Variants in CSMD3 observed in about 807,000 individuals in gnomAD.
CSMD3 encodes the protein CUB and Sushi multiple domains 3.
A neutral mutation model predicts 435.2 loss-of-function variants in CSMD3; 177 were observed. That is an observed-to-expected ratio of 0.41 (90% CI 0.36 to 0.46). The LOEUF is 0.46. Among genes scored for constraint, CSMD3 ranks in the 20% least tolerant of loss-of-function variants. CSMD3 has a pLI of 0.34. For missense variants in CSMD3, 4,265 were observed against 4,504.6 expected, an observed-to-expected ratio of 0.95 and a Z score of 1.52; for synonymous variants, 1,656 against 1,520.5, an observed-to-expected ratio of 1.09 and a Z score of -2.07.
intron 61 of CSMD3, among the ~76,000 whole-genome samples, chr8:112,261,276 ATATC>A (rs1816372925): frequency 6.6e-6 from 1 of 152,094 alleles, no homozygotes; most frequent in Non-Finnish European, 1.5e-5. Context: ...ATACTAACAT[ATATC>A]TGTTTCATTT....
At chr8:112,548,987 T>G (rs1171447962) in intron 27 of CSMD3, among the ~76,000 whole-genome samples, 1 of 152,048 alleles carries the variant, frequency 6.6e-6, no homozygotes, top group Admixed American at 6.6e-5. Flanking sequence ...TTATCTACAA[T>G]AAAAATTCCC....
intron 13 of CSMD3, among the ~76,000 whole-genome samples, chr8:112,710,393 C>A (rs1050838036): frequency 1.3e-5 from 2 of 152,074 alleles, no homozygotes; most frequent in African/African-American, 4.8e-5. Context: ...GCCTAAGATG[C>A]ACATCTTGTT....
At position 113,358,463 on chromosome 8, in the gene CSMD3, C is replaced by T. The variant is rs887349626; in HGVS notation, c.179-43670G>A. On this transcript the variant is annotated intron_variant, in intron 1 of 70. Coordinates refer to ENST00000297405, the MANE Select transcript of CSMD3 (RefSeq NM_198123.2). ...CACCTCCCAGGTTCAAGCTATTTTCCTGCCTCAGCCTCCCAAGTAGCTGGG... is the reference window on the plus strand; with the variant it reads ...CACCTCCCAGGTTCAAGCTATTTTCTTGCCTCAGCCTCCCAAGTAGCTGGG... Among the ~76,000 whole-genome samples, 7 of 152,284 alleles carry T rather than the reference C, an allele frequency of 4.6e-5. No homozygotes were observed. In the East Asian group the frequency reaches 1.2e-3, roughly 25 times the overall value.
At chr8:112,536,376 CT>C (rs1826082058) in intron 27 of CSMD3, among the ~76,000 whole-genome samples, 1 of 152,184 alleles carries the variant, frequency 6.6e-6, no homozygotes. Flanking sequence ...TGAGCAGATA[CT>C]TCTCAAAAGA....
At chr8:112,592,805 C>T (rs7819734) in intron 22 of CSMD3, among the ~76,000 whole-genome samples, 87,469 of 151,784 alleles carry the variant, frequency 0.58, 25,757 homozygotes, top group African/African-American at 0.69. Context: ...TGCCTGATAC[C>T]GTATTAGGTC....
At chr8:112,683,689 T>C (rs112534733) in intron 15 of CSMD3, among the ~76,000 whole-genome samples, 2,512 of 152,082 alleles carry the variant, frequency 0.017, 79 homozygotes, top group African/African-American at 0.057. Context: ...AAGGTCTACA[T>C]GTGTAAAATA....
At chr8:112,866,535 G>A (rs535044531) in intron 10 of CSMD3, among the ~76,000 whole-genome samples, 8 of 152,154 alleles carry the variant, frequency 5.3e-5, no homozygotes, top group South Asian at 4.2e-4. Context: ...TAATGAATCC[G>A]CTAGAAGAAT....
In CSMD3 at chr8:113,295,686, G is replaced by T. The variant is rs1474768502; in HGVS notation, c.402-16982C>A. 3.9e-5 allele frequency among the ~76,000 whole-genome samples: 6 copies of T among 152,284 alleles called. No individual in the cohort carries two copies. In the East Asian group the frequency reaches 7.7e-4, roughly 20 times the overall value. On this transcript the variant is annotated intron_variant, in intron 2 of 70. Transcript: ENST00000297405. ...GTGGGCGAATTGCCTAAGCTTAGGA[G>T]TTCAAGACCAGCCTGAGTTCTAGTG...
chr8:113,053,367 C>T (rs1186020271), intron 5 of CSMD3, among the ~76,000 whole-genome samples: 1 of 151,870 alleles, frequency 6.6e-6, no homozygotes, highest in Non-Finnish European at 1.5e-5. Flanking sequence ...TATTCTTAAA[C>T]TTTTTCTAAT....
At chr8:113,400,372 T>C (rs1374056744) in intron 1 of CSMD3, among the ~76,000 whole-genome samples, 1 of 151,948 alleles carries the variant, frequency 6.6e-6, no homozygotes, top group Non-Finnish European at 1.5e-5. Context: ...TGGCTAATAC[T>C]AGGGACGCAG....
In CSMD3 at chr8:112,341,655, T is replaced by G. The variant is rs1825126105; in HGVS notation, c.6474A>C (p.Thr2158=). 1.2e-6 allele frequency: 2 copies of G among 1,612,164 alleles called. No individual in the cohort carries two copies. Among genetic ancestry groups the G allele is most frequent in the Admixed American group, 1.7e-5 (1 of 59,934 alleles). The change falls in exon 42 of 71, where the codon ACA becomes ACC. Residue 2158 remains threonine, a synonymous_variant. Transcript: ENST00000297405. The part of the protein sequence containing the change: ...GVHLQFVNFS[T]ETIHDYLEVR... ...CTTCCAAATAATCATGTATGGTTTC[T>G]GTAGAAAAATTTACAAACTGGAGAT...
At chr8:113,104,315 T>C (rs2090415204) in intron 4 of CSMD3, among the ~76,000 whole-genome samples, 1 of 152,124 alleles carries the variant, frequency 6.6e-6, no homozygotes, top group Non-Finnish European at 1.5e-5. Context: ...ATCTATAATT[T>C]CCATCAGCAC....
At chr8:113,256,044 C>G (rs2093377779) in intron 3 of CSMD3, among the ~76,000 whole-genome samples, 1 of 151,750 alleles carries the variant, frequency 6.6e-6, no homozygotes, top group South Asian at 2.1e-4. Context: ...GATGCATTTA[C>G]TCAAATGAAG....
chr8:113,041,425 G>A (rs2087611860), intron 5 of CSMD3, among the ~76,000 whole-genome samples: 1 of 151,910 alleles, frequency 6.6e-6, no homozygotes, highest in Non-Finnish European at 1.5e-5. Context: ...CTCACATTGG[G>A]GGAAAATTCC....
chr8:112,748,853 C>A (rs1230579433), intron 13 of CSMD3, among the ~76,000 whole-genome samples: 5 of 152,128 alleles, frequency 3.3e-5, no homozygotes, highest in Non-Finnish European at 7.4e-5. Flanking sequence ...TGGATATATA[C>A]CCAGTAATGG....
At chr8:112,589,489 C>T (rs1481604416) in intron 22 of CSMD3, among the ~76,000 whole-genome samples, 1 of 152,066 alleles carries the variant, frequency 6.6e-6, no homozygotes, top group Non-Finnish European at 1.5e-5. Context: ...AAAGCAACAA[C>T]CCATTAAAAT....
At chr8:113,095,597 T>C (rs2090140243) in intron 5 of CSMD3, among the ~76,000 whole-genome samples, 1 of 152,164 alleles carries the variant, frequency 6.6e-6, no homozygotes, top group Non-Finnish European at 1.5e-5. Flanking sequence ...GGAAAATTTA[T>C]AAAGTCAATC....
At chr8:112,610,208 G>T (rs1191524563) in intron 22 of CSMD3, among the ~76,000 whole-genome samples, 1 of 152,040 alleles carries the variant, frequency 6.6e-6, no homozygotes, top group Non-Finnish European at 1.5e-5. Context: ...GTGAGGGGAT[G>T]GATATGTAAA....
chr8:112,435,259 C>T (rs938903120), intron 32 of CSMD3, among the ~76,000 whole-genome samples: 12 of 151,946 alleles, frequency 7.9e-5, no homozygotes, highest in African/African-American at 2.9e-4. Flanking sequence ...CTCAAGTATG[C>T]CAATTATAAT....
Sources: allele counts gnomAD v4.1 joint callset (sites outside exome capture counted in the v4.1 genomes callset), GRCh38; gene constraint gnomAD v4.1.1; transcripts MANE v1.5; gene names NCBI Gene and HGNC (gene_info 2026-07-23, HGNC 2026-07-21).